PHKB: variants seen among roughly 807,000 people sequenced by gnomAD.
PHKB encodes phosphorylase kinase regulatory subunit beta.
PHKB carries 122 observed loss-of-function variants against 152.1 expected under a neutral mutation model. The ratio of observed to expected loss-of-function variants is 0.80; its 90% confidence interval spans 0.69 to 0.93. PHKB has a LOEUF of 0.93. Among genes scored for constraint, PHKB ranks in the 40% least tolerant of loss-of-function variants. The pLI, the probability that PHKB is intolerant of heterozygous loss-of-function variation, is 0.00. For synonymous variants in PHKB, 436 were observed against 464.9 expected (o/e 0.94, Z 0.80); for missense variants, 1,304 against 1,328.4 (o/e 0.98, Z 0.29).
intron 1 of PHKB, chr16:47,462,777 TC>T (rs1463059696): frequency 6.7e-6 from 1 of 149,138 alleles, no homozygotes; most frequent in Non-Finnish European, 1.5e-5. Flanking sequence ...TTTCTGAAAA[TC>T]TAATTTCAGA....
At chr16:47,511,100 C>T (rs537385289) in intron 4 of PHKB, among the ~76,000 whole-genome samples, 13 of 152,146 alleles carry the variant, frequency 8.5e-5, no homozygotes, top group African/African-American at 1.7e-4. Flanking sequence ...TAAATAATGG[C>T]GTGGCCTATA....
intron 13 of PHKB, among the ~76,000 whole-genome samples, chr16:47,605,792 A>C (rs1972312439): frequency 6.6e-6 from 1 of 152,208 alleles, no homozygotes; most frequent in Admixed American, 6.5e-5. Flanking sequence ...TAACATGTCT[A>C]AATAGTTTTT....
chr16:47,604,724 G>A (rs897885859), intron 13 of PHKB, among the ~76,000 whole-genome samples: 1 of 151,506 alleles, frequency 6.6e-6, no homozygotes, highest in African/African-American at 2.4e-5. Context: ...TTCTTTTTAC[G>A]CTGGACAGTT....
intron 6 of PHKB, chr16:47,529,284 A>G (rs1039700606): frequency 1.3e-5 from 2 of 152,080 alleles, no homozygotes; most frequent in African/African-American, 2.4e-5. Flanking sequence ...GAAGCCAAAA[A>G]TTTGAGACCA....
intron 1 of PHKB, among the ~76,000 whole-genome samples, chr16:47,477,753 A>C (rs775936721): frequency 6.6e-6 from 1 of 152,172 alleles, no homozygotes; most frequent in African/African-American, 2.4e-5. Context: ...ACTTTGAGCT[A>C]TCTCTGTGTA....
intron 1 of PHKB, among the ~76,000 whole-genome samples, chr16:47,476,791 G>A (rs990806831): frequency 5.3e-5 from 8 of 152,118 alleles, no homozygotes; most frequent in African/African-American, 1.9e-4. Flanking sequence ...CTTACTCCCT[G>A]TCTAGCAGTC....
At chr16:47,494,454 GGCA>G (rs1970200135) in intron 1 of PHKB, among the ~76,000 whole-genome samples, 1 of 152,168 alleles carries the variant, frequency 6.6e-6, no homozygotes, top group Non-Finnish European at 1.5e-5. Context: ...TAATGGGTAA[GGCA>G]GCTAGTCAGG....
At chr16:47,695,678 AC>A (rs1353873454) in intron 28 of PHKB, among the ~76,000 whole-genome samples, 3 of 152,136 alleles carry the variant, frequency 2.0e-5, no homozygotes, top group African/African-American at 7.2e-5. Context: ...TGATCTAGTC[AC>A]CCCATCTGCC....
intron 6 of PHKB, among the ~76,000 whole-genome samples, chr16:47,518,701 T>A (rs892651638): frequency 2.6e-5 from 4 of 152,182 alleles, no homozygotes; most frequent in Non-Finnish European, 5.9e-5. Flanking sequence ...AAGACAAAGT[T>A]CTGTAGTTCT....
chr16:47,569,185 T>C (rs1971616824), intron 7 of PHKB, among the ~76,000 whole-genome samples: 1 of 152,262 alleles, frequency 6.6e-6, no homozygotes, highest in Non-Finnish European at 1.5e-5. Context: ...ATTTGTTTGA[T>C]GACTATGGGT....
intron 1 of PHKB, among the ~76,000 whole-genome samples, chr16:47,488,114 T>A (rs1970080923): frequency 1.3e-5 from 2 of 152,308 alleles, no homozygotes; most frequent in Middle Eastern, 3.4e-3. Flanking sequence ...TTTTTTTGAC[T>A]TTTTAATAAT....
intron 1 of PHKB, among the ~76,000 whole-genome samples, chr16:47,491,508 A>G (rs1444819909): frequency 6.6e-6 from 1 of 152,202 alleles, no homozygotes; most frequent in Non-Finnish European, 1.5e-5. Flanking sequence ...AAGGTACCAT[A>G]GCTTTTATCT....
intron 9 of PHKB, 44 bp downstream of exon 9, chr16:47,587,807 A>G (rs1345240994): frequency 7.6e-7 from 1 of 1,313,210 alleles, no homozygotes; most frequent in Admixed American, 1.7e-5. Context: ...ACTATTGTTT[A>G]TGATTTCTAT....
intron 1 of PHKB, among the ~76,000 whole-genome samples, chr16:47,474,630 G>A (rs935908955): frequency 1.3e-5 from 2 of 151,792 alleles, no homozygotes; most frequent in African/African-American, 2.4e-5. Context: ...TAACTTTGTC[G>A]GCTCACTTGT....
chr16:47,601,860 G>T (rs1443575551), intron 13 of PHKB, among the ~76,000 whole-genome samples: 3 of 152,106 alleles, frequency 2.0e-5, no homozygotes, highest in Non-Finnish European at 2.9e-5. Flanking sequence ...TTTACATATT[G>T]TATAATTTAA....
intron 25 of PHKB, chr16:47,665,953 G>C (rs1555497423): frequency 6.2e-7 from 1 of 1,613,506 alleles, no homozygotes; most frequent in Non-Finnish European, 8.5e-7. Flanking sequence ...TCGGTTGTAC[G>C]CCGTGCAGCA....
chr16:47,602,997 G>A (rs1972259954), intron 13 of PHKB, among the ~76,000 whole-genome samples: 1 of 152,154 alleles, frequency 6.6e-6, no homozygotes, highest in Non-Finnish European at 1.5e-5. Context: ...TCCAGTGTAT[G>A]TAACAAAAAT....
chr16:47,574,829 A>G (rs1971723001), intron 7 of PHKB, among the ~76,000 whole-genome samples: 1 of 152,240 alleles, frequency 6.6e-6, no homozygotes, highest in African/African-American at 2.4e-5. Flanking sequence ...GAGACTTGGC[A>G]GGATCAAACA....
chr16:47,582,459 T>C (rs1597101913), intron 8 of PHKB, among the ~76,000 whole-genome samples: 1 of 152,368 alleles, frequency 6.6e-6, no homozygotes, highest in East Asian at 1.9e-4. Context: ...TTCTGAGTTA[T>C]AACTGTATTG....
Sources: gnomAD v4.1 joint callset for allele counts (sites outside exome capture counted in the v4.1 genomes callset) on GRCh38, gnomAD v4.1.1 for gene constraint, MANE v1.5 for transcripts, NCBI Gene and HGNC (gene_info 2026-07-23, HGNC 2026-07-21) for gene names.